The following FREM2 variants were observed in gnomAD, a reference collection of about 807,000 sequenced individuals.
FREM2 encodes FRAS1 related extracellular matrix 2.
In FREM2, 119 loss-of-function variants were observed where a neutral mutation model predicts 219.9. The observed-to-expected ratio is 0.54, with a 90% confidence interval of 0.47 to 0.63. The LOEUF (loss-of-function observed/expected upper bound fraction) is 0.63, where lower values mean the gene tolerates loss of function less well. Among genes scored for constraint, FREM2 ranks in the 30% least tolerant of loss-of-function variants. FREM2 has a pLI of 0.00. For missense variants in FREM2, 4,030 were observed against 3,993.6 expected (o/e 1.01, Z -0.25); for synonymous variants, 1,562 against 1,522.8 (o/e 1.03, Z -0.60).
In FREM2 at chr13:38,880,702, G is replaced by C. The variant is rs768221117; in HGVS notation, c.9425G>C (p.Arg3142Thr). 1.9e-6 allele frequency: 3 copies of C among 1,614,208 alleles called. No homozygotes were observed. Among genetic ancestry groups the C allele is most frequent in the Non-Finnish European group, 2.5e-6 (3 of 1,180,026 alleles). ...ATGTGCAGGGGCAAGGAAAGTTTCA[G>C]GGGGAAGGATGCCCCGAAAGGCTCC... ...VLMCRGKESF[R>T]GKDAPKGSSS... The change falls in exon 24 of 24, where the codon AGG (arginine) becomes ACG (threonine). Residue 3142 changes from arginine (R) to threonine (T), a missense_variant. Transcript: ENST00000280481.
intron 2 of FREM2, among the ~76,000 whole-genome samples, chr13:38,759,760 G>A (rs759734378): frequency 2.0e-5 from 3 of 152,172 alleles, no homozygotes; most frequent in Admixed American, 6.5e-5. Context: ...AGTTTTTAAC[G>A]TTATTTAACT....
Position 38,885,109 on chromosome 13 carries a change from G to C in FREM2, c.*4322G>C, listed in dbSNP as rs929918601. 6 of 152,050 alleles carry C rather than the reference G, an allele frequency of 3.9e-5. No homozygotes were observed. The highest frequency in any genetic ancestry group is 8.8e-5 in the Non-Finnish European group (6 of 67,978). 9.4% of individuals were successfully genotyped at this position (152,050 alleles called of 1,614,324 possible). ...TTGATACTAAGAAACAAAATGCTTT[G>C]AGATTTTGGTAACTATTTTGATTTT... is the stretch of plus-strand genomic sequence containing the variant. On this transcript the variant is annotated 3_prime_UTR_variant, in exon 24 of 24. Transcript: ENST00000280481.
chr13:38,706,800 T>C (rs1870559010), intron 2 of FREM2, among the ~76,000 whole-genome samples: 1 of 152,192 alleles, frequency 6.6e-6, no homozygotes, highest in South Asian at 2.1e-4. Context: ...ATTAAAGCCT[T>C]GTACCTTTCT....
In FREM2 at chr13:38,846,706, T is replaced by G; in HGVS notation, c.6153T>G (p.Asp2051Glu). 6.2e-7 allele frequency: 1 copy of G among 1,613,694 alleles called. No homozygotes were observed. The highest frequency in any genetic ancestry group is 8.5e-7 in the Non-Finnish European group (1 of 1,179,752). Residue 2051 changes from aspartate (D) to glutamate (E), a missense_variant, in exon 7 of 24, where the codon GAT becomes GAG. This residue lies in a region of FREM2 where 3,102 missense variants were observed against 2,950.7 expected (regional missense o/e 1.05). Coordinates refer to ENST00000280481, the MANE Select transcript of FREM2 (RefSeq NM_207361.6). ...TCACAGTGAGGTCTCGGAAAACAGA[T>G]CCTCCCTCTGCAGATGGTGAGCAGT... ...SSVTVRSRKT[D>E]PPSADAGTDY... is the part of the protein sequence containing the mutation.
intron 22 of FREM2, 81 bp from the exon 23 acceptor site, chr13:38,878,750 A>G: frequency 1.4e-6 from 2 of 1,382,560 alleles, no homozygotes; most frequent in Admixed American, 1.7e-5. Context: ...GTACTTGCAC[A>G]AAACAAATAG....
chr13:38,757,910 C>A (rs1873078717), intron 2 of FREM2, among the ~76,000 whole-genome samples: 1 of 152,112 alleles, frequency 6.6e-6, no homozygotes, highest in South Asian at 2.1e-4. Context: ...CTCTACATTT[C>A]TCTACCAAGT....
intron 2 of FREM2, among the ~76,000 whole-genome samples, chr13:38,729,145 C>T (rs1439110751): frequency 6.6e-6 from 1 of 152,156 alleles, no homozygotes; most frequent in Non-Finnish European, 1.5e-5. Flanking sequence ...AGAAAAGAAA[C>T]CCTGAACTCA....
At position 38,689,731 on chromosome 13, in the gene FREM2, C is replaced by T. The variant is rs1179330027; in HGVS notation, c.2387C>T (p.Ala796Val). The T allele has an allele frequency of 3.7e-6, 6 of 1,613,238 alleles. No individual in the cohort carries two copies. Among genetic ancestry groups the T allele is most frequent in the Non-Finnish European group, 5.1e-6 (6 of 1,179,646 alleles). ...YRPPGQELGV[A>V]TRVAQFQFQV... ...CCCCCGGGTCAAGAACTGGGCGTGG[C>T]TACTCGAGTGGCCCAGTTCCAGTTC... Residue 796 changes from alanine to valine, a missense_variant, in exon 1 of 24, where the codon GCT (alanine) becomes GTT (valine). Physicochemically the swap from Ala to Val is moderately conservative, Grantham distance 64. Coordinates refer to ENST00000280481, the MANE Select transcript of FREM2 (RefSeq NM_207361.6).
chr13:38,841,109 T>A (rs1424713993), intron 6 of FREM2, among the ~76,000 whole-genome samples: 1 of 152,164 alleles, frequency 6.6e-6, no homozygotes, highest in Admixed American at 6.5e-5. Flanking sequence ...TAATCCTTAA[T>A]TTCCTTATCT....
At chr13:38,713,159 C>T (rs553055917) in intron 2 of FREM2, among the ~76,000 whole-genome samples, 26 of 152,244 alleles carry the variant, frequency 1.7e-4, no homozygotes, top group South Asian at 4.2e-4. Context: ...TCCTGTCTCC[C>T]CAACCTCAAA....
intron 14 of FREM2, 150 bp downstream of exon 14, chr13:38,859,740 T>C: frequency 1.2e-6 from 1 of 825,192 alleles, no homozygotes; most frequent in Non-Finnish European, 2.0e-6. Flanking sequence ...TACAAAATTA[T>C]GTATTAGAAA....
chr13:38,728,134 G>C (rs1871604960), intron 2 of FREM2, among the ~76,000 whole-genome samples: 1 of 152,022 alleles, frequency 6.6e-6, no homozygotes, highest in Non-Finnish European at 1.5e-5. Flanking sequence ...TTTAAGCTTT[G>C]CCGTGTTCAG....
chr13:38,789,894 G>A (rs537051429), intron 6 of FREM2, among the ~76,000 whole-genome samples: 222 of 151,198 alleles, frequency 1.5e-3, no homozygotes, highest in African/African-American at 5.2e-3. Context: ...TATGTTTTTC[G>A]CTTCAACTGC....
chr13:38,754,164 A>G (rs1430112504), intron 2 of FREM2, among the ~76,000 whole-genome samples: 1 of 152,076 alleles, frequency 6.6e-6, no homozygotes, highest in African/African-American at 2.4e-5. Context: ...CTTTGGCTCC[A>G]AATTAATTCA....
Position 38,688,470 on chromosome 13 carries a change from C to A in FREM2, c.1126C>A (p.Arg376Ser). 1 of 1,614,152 alleles carries A rather than the reference C, an allele frequency of 6.2e-7. No individual in the cohort carries two copies. Among genetic ancestry groups the A allele is most frequent in the Non-Finnish European group, 8.5e-7 (1 of 1,180,026 alleles). The change falls in exon 1 of 24, where the codon CGC (arginine) becomes AGC (serine). Residue 376 changes from arginine (R) to serine (S), a missense_variant. By Grantham distance (110) the Arg-to-Ser change is moderately radical. Around this residue, in one of 2 missense-constraint regions of FREM2, gnomAD observed 3,102 missense variants for 2,950.7 expected, o/e 1.05. Transcript: ENST00000280481. ...GQGYLVSTDD[R>S]SLPLSSFTQR... ...GGGCTACTTGGTGAGCACCGATGAT[C>A]GCAGCCTGCCCCTTTCCTCCTTCAC... is the stretch of plus-strand genomic sequence containing the variant.
At chr13:38,824,476 A>G (rs1876194150) in intron 6 of FREM2, among the ~76,000 whole-genome samples, 1 of 152,122 alleles carries the variant, frequency 6.6e-6, no homozygotes, top group African/African-American at 2.4e-5. Context: ...GGTCAGCCAC[A>G]CCATGTAGGA....
chr13:38,824,825 C>T (rs1000319122), intron 6 of FREM2, among the ~76,000 whole-genome samples: 6 of 152,022 alleles, frequency 3.9e-5, no homozygotes, highest in African/African-American at 1.2e-4. Flanking sequence ...ATTCAGACTC[C>T]TCTCCTCCTG....
intron 4 of FREM2, among the ~76,000 whole-genome samples, chr13:38,772,863 A>C (rs1443054676): frequency 1.3e-5 from 2 of 151,674 alleles, no homozygotes; most frequent in African/African-American, 2.4e-5. Context: ...CGCCCGGCTA[A>C]TTTTTGTATT....
chr13:38,766,846 C>T (rs1475357321), intron 3 of FREM2, among the ~76,000 whole-genome samples: 1 of 152,214 alleles, frequency 6.6e-6, no homozygotes, highest in African/African-American at 2.4e-5. Flanking sequence ...TTATACCTTA[C>T]ATCCATCCTT....
Sources: gnomAD v4.1 joint callset for allele counts (sites outside exome capture counted in the v4.1 genomes callset) on GRCh38, gnomAD v4.1.1 for gene constraint, gnomAD v4.1.1 regional missense constraint, MANE v1.5 for transcripts, NCBI Gene and HGNC (gene_info 2026-07-23, HGNC 2026-07-21) for gene names.